Variants in PLSCR2 observed in about 807,000 individuals in gnomAD.
The protein encoded by PLSCR2 is PL scramblase 2.
A neutral mutation model predicts 25.3 loss-of-function variants in PLSCR2; 18 were observed. The ratio of observed to expected loss-of-function variants is 0.71; its 90% CI spans 0.49 to 1.06. PLSCR2 has a LOEUF of 1.06. PLSCR2 is among the 50% of genes least tolerant of loss of function. The pLI is 0.00. For missense variants in PLSCR2, 243 were observed against 269.5 expected, an observed-to-expected ratio of 0.90 and a Z score of 0.69; for synonymous variants, 88 against 87.3, an observed-to-expected ratio of 1.01 and a Z score of -0.04.
intron 2 of PLSCR2, among the ~76,000 whole-genome samples, chr3:146,424,421 A>G (rs982793777): frequency 7.2e-5 from 11 of 152,026 alleles, no homozygotes; most frequent in Admixed American, 3.3e-4. Flanking sequence ...TTTTTGGGGG[A>G]CACCAACATT....
chr3:146,429,543 CA>C (rs1346493377), downstream of PLSCR2, among the ~76,000 whole-genome samples: 1 of 152,026 alleles, frequency 6.6e-6, no homozygotes, highest in Non-Finnish European at 1.5e-5. Context: ...TTCTAAGCAG[CA>C]AAGCATTCAA....
At chr3:146,445,214 TATA>T (rs1186011912) in intron 6 of PLSCR2, among the ~76,000 whole-genome samples, 1 of 152,146 alleles carries the variant, frequency 6.6e-6, no homozygotes, top group Non-Finnish European at 1.5e-5. Context: ...ATCACAGTGT[TATA>T]ATATTCTGTG....
chr3:146,434,116 C>T (rs565501702), intron 8 of PLSCR2, among the ~76,000 whole-genome samples: 29 of 152,150 alleles, frequency 1.9e-4, no homozygotes, highest in South Asian at 6.2e-4. Context: ...TATTATATGT[C>T]TTCCCTTTCT....
intron 6 of PLSCR2, among the ~76,000 whole-genome samples, chr3:146,448,921 C>T (rs1027407070): frequency 2.6e-5 from 4 of 152,150 alleles, no homozygotes; most frequent in African/African-American, 4.8e-5. Flanking sequence ...CTCCTAATAA[C>T]ATATTTGATT....
upstream of PLSCR2, chr3:146,463,940 A>T: frequency 1.0e-6 from 1 of 981,174 alleles, no homozygotes; most frequent in Middle Eastern, 5.2e-4. Context: ...TCTTAGTTAC[A>T]TCTACTCAAG....
chr3:146,448,260 T>C (rs896730535), intron 6 of PLSCR2, among the ~76,000 whole-genome samples: 2 of 152,230 alleles, frequency 1.3e-5, no homozygotes, highest in Non-Finnish European at 2.9e-5. Context: ...TATTCAGCCA[T>C]CTTCATCAGC....
chr3:146,494,248 A>G (rs1343675757), intron 1 of PLSCR2, among the ~76,000 whole-genome samples: 1 of 152,150 alleles, frequency 6.6e-6, no homozygotes, highest in Non-Finnish European at 1.5e-5. Context: ...TTGTACATAG[A>G]GACTATTATT....
chr3:146,404,375 G>T (rs1416490877), intron 2 of PLSCR2, among the ~76,000 whole-genome samples: 1 of 152,082 alleles, frequency 6.6e-6, no homozygotes, highest in Non-Finnish European at 1.5e-5. Flanking sequence ...CTTTTATTAG[G>T]AATCCACTCC....
At chr3:146,429,382 G>A (rs2039463872), downstream of PLSCR2, among the ~76,000 whole-genome samples, 1 of 152,178 alleles carries the variant, frequency 6.6e-6, no homozygotes, top group South Asian at 2.1e-4. Context: ...CAAGGTCTCA[G>A]AAGGAAATGA....
At chr3:146,443,043 T>C (rs1396504071) in intron 6 of PLSCR2, among the ~76,000 whole-genome samples, 1 of 152,018 alleles carries the variant, frequency 6.6e-6, no homozygotes, top group African/African-American at 2.4e-5. Context: ...GGGAAAATAT[T>C]TGCAAACCAT....
At chr3:146,487,705 G>A (rs1323769017) in intron 1 of PLSCR2, among the ~76,000 whole-genome samples, 1 of 151,890 alleles carries the variant, frequency 6.6e-6, no homozygotes, top group African/African-American at 2.4e-5. Flanking sequence ...TTCCATGCTT[G>A]TGAACAGGAA....
At chr3:146,443,799 A>T (rs2040389593) in intron 6 of PLSCR2, among the ~76,000 whole-genome samples, 1 of 151,446 alleles carries the variant, frequency 6.6e-6, no homozygotes, top group South Asian at 2.1e-4. Context: ...TCTTCAACTA[A>T]TTTTGAGTTC....
At chr3:146,444,383 G>T (rs1203015657) in intron 6 of PLSCR2, among the ~76,000 whole-genome samples, 1 of 150,860 alleles carries the variant, frequency 6.6e-6, no homozygotes, top group Non-Finnish European at 1.5e-5. Flanking sequence ...AGCTGTTATT[G>T]TATTGGGGTC....
In PLSCR2 at chr3:146,407,847, G is replaced by A. The variant is rs565649085; in HGVS notation, c.101-11926C>T. Among the ~76,000 whole-genome samples the A allele has an allele frequency of 3.3e-5, 5 of 152,240 alleles. No individual in the cohort carries two copies. In the South Asian group the frequency reaches 1.0e-3, roughly 32 times the overall value. ...CACTCGCCTTTCGTACTCCTTGCTC[G>A]AGAAAGCTGCTACCATCTGTGAACA... On this transcript the variant is annotated intron_variant and NMD_transcript_variant, in intron 2 of 3. Transcript: ENST00000463633.
At chr3:146,451,034 G>A (rs939515109) in intron 5 of PLSCR2, among the ~76,000 whole-genome samples, 10 of 149,800 alleles carry the variant, frequency 6.7e-5, no homozygotes, top group African/African-American at 9.8e-5. Flanking sequence ...AAAAAAATAT[G>A]GTAAAATTAC....
At chr3:146,475,512 C>T (rs2042257009) in intron 1 of PLSCR2, among the ~76,000 whole-genome samples, 2 of 152,080 alleles carry the variant, frequency 1.3e-5, no homozygotes, top group South Asian at 4.2e-4. Flanking sequence ...AATATGACAA[C>T]TCTGGAAACT....
intron 8 of PLSCR2, among the ~76,000 whole-genome samples, chr3:146,436,003 T>G (rs974966058): frequency 1.3e-5 from 2 of 152,246 alleles, no homozygotes; most frequent in African/African-American, 2.4e-5. Flanking sequence ...CTAGCCAGTA[T>G]TTCCAGCACC....
At chr3:146,426,179 C>A (rs2039338993) in intron 2 of PLSCR2, among the ~76,000 whole-genome samples, 1 of 146,842 alleles carries the variant, frequency 6.8e-6, no homozygotes, top group African/African-American at 2.5e-5. Context: ...ATTTTCCTTC[C>A]TTCCTCCCTC....
intron 1 of PLSCR2, chr3:146,495,852 T>C (rs2043729557): frequency 1.3e-6 from 2 of 1,485,612 alleles, no homozygotes; most frequent in East Asian, 2.5e-5. Context: ...GAGATCAACA[T>C]TTGAAGCACG....
Sources: gnomAD v4.1 joint callset for allele counts (sites outside exome capture counted in the v4.1 genomes callset) on GRCh38, gnomAD v4.1.1 for gene constraint, MANE v1.5 for transcripts, NCBI Gene and HGNC (gene_info 2026-07-23, HGNC 2026-07-21) for gene names.